The following SPRY3 variants were observed in gnomAD, a reference collection of about 807,000 sequenced individuals.
SPRY3 encodes protein sprouty homolog 3.
A neutral mutation model predicts 20.2 loss-of-function variants in SPRY3; 15 were observed. The observed-to-expected ratio is 0.74, with a 90% confidence interval of 0.50 to 1.14. The LOEUF is 1.14. Among genes scored for constraint, SPRY3 ranks in the 50% most tolerant of loss-of-function variants. The pLI, the probability that SPRY3 is intolerant of heterozygous loss-of-function variation, is 0.00. For missense variants in SPRY3, 364 were observed against 363.9 expected, an observed-to-expected ratio of 1.00 and a Z score of 0.00; for synonymous variants, 143 against 136.5, an observed-to-expected ratio of 1.05 and a Z score of -0.33.
At chrX:155,774,387 G>T (rs746786922) in exon 4 of SPRY3, 16 of 1,614,014 alleles carry the variant, frequency 9.9e-6, no homozygotes, top group Admixed American at 5.0e-5. Context: ...TGTGCAACCA[G>T]CGCTGCCTTT....
At chrX:155,747,542 T>C (rs1434883918) in intron 2 of SPRY3, among the ~76,000 whole-genome samples, 9 of 151,960 alleles carry the variant, frequency 5.9e-5, no homozygotes, top group African/African-American at 1.7e-4. Context: ...GCCCACTCTT[T>C]TAAGCTACCA....
intron 1 of SPRY3, among the ~76,000 whole-genome samples, chrX:155,634,941 G>A (rs782045609): frequency 9.2e-6 from 1 of 108,675 alleles, no homozygotes; most frequent in African/African-American, 3.4e-5. Flanking sequence ...AGAACATGCA[G>A]GTTTGTTACA....
chrX:155,782,211 A>C (rs62618227), exon 2 of SPRY3: 1 of 167,008 alleles, frequency 6.0e-6, no homozygotes, highest in Non-Finnish European at 1.5e-5. Flanking sequence ...GAATGGAGGA[A>C]AGGGGCTTTC....
chrX:155,685,041 G>C (rs1315085313), intron 2 of SPRY3, among the ~76,000 whole-genome samples: 1 of 111,503 alleles, frequency 9.0e-6, no homozygotes, highest in Non-Finnish European at 1.9e-5. Flanking sequence ...TTATCTTTCA[G>C]CAATTTGATT....
At chrX:155,687,177 C>T (rs896997831) in intron 2 of SPRY3, among the ~76,000 whole-genome samples, 2 of 112,692 alleles carry the variant, frequency 1.8e-5, no homozygotes, top group African/African-American at 6.4e-5. Flanking sequence ...TGTGCAAGAA[C>T]TGAAAGGTTT....
chrX:155,711,700 C>G (rs775913515), intron 2 of SPRY3, among the ~76,000 whole-genome samples: 1 of 141,544 alleles, frequency 7.1e-6, no homozygotes, highest in Non-Finnish European at 1.5e-5. Flanking sequence ...TTTTTTTTTG[C>G]TATTTATTTT....
chrX:155,750,677 A>G (rs2091257875), intron 2 of SPRY3, among the ~76,000 whole-genome samples: 1 of 151,836 alleles, frequency 6.6e-6, no homozygotes, highest in Non-Finnish European at 1.5e-5. Context: ...TTGTAAAACA[A>G]TGTCATCAGT....
At chrX:155,692,281 C>G (rs1365027976) in intron 2 of SPRY3, among the ~76,000 whole-genome samples, 2 of 110,760 alleles carry the variant, frequency 1.8e-5, no homozygotes, top group Non-Finnish European at 3.8e-5. Context: ...ATGTGAATAT[C>G]CAGTTGTTCT....
intron 2 of SPRY3, among the ~76,000 whole-genome samples, chrX:155,724,104 G>T (rs1417233999): frequency 1.3e-5 from 2 of 152,056 alleles, no homozygotes; most frequent in African/African-American, 4.8e-5. Flanking sequence ...TAGATGTGTG[G>T]TTTTATTTCT....
chrX:155,739,914 C>A (rs1372693784), intron 2 of SPRY3, among the ~76,000 whole-genome samples: 1 of 152,098 alleles, frequency 6.6e-6, no homozygotes, highest in Non-Finnish European at 1.5e-5. Flanking sequence ...CTCTTCTCCT[C>A]CAAGTGACTA....
chrX:155,773,459 C>T (rs2091396912), intron 3 of SPRY3, among the ~76,000 whole-genome samples: 1 of 151,630 alleles, frequency 6.6e-6, no homozygotes, highest in Non-Finnish European at 1.5e-5. Flanking sequence ...ATGCCCAAGG[C>T]TTGGATGTCT....
intron 1 of SPRY3, among the ~76,000 whole-genome samples, chrX:155,629,079 C>T (rs2067897639): frequency 9.1e-6 from 1 of 109,345 alleles, no homozygotes; most frequent in Admixed American, 9.7e-5. Context: ...AGGTTTGTTA[C>T]ATGTGCTATG....
chrX:155,689,459 T>C lies in SPRY3; in HGVS notation c.-282+32434T>C, dbSNP rs1250702312. Among the ~76,000 whole-genome samples the C allele has an allele frequency of 3.4e-5, 3 of 87,090 alleles. 1 individual carries two copies. Among genetic ancestry groups the C allele is most frequent in the Non-Finnish European group, 6.4e-5 (3 of 46,767 alleles). The allele number at this position is 87,090 out of a possible 115,157, so 75.6% of individuals were successfully genotyped here. ...ATTTTCTTTGTACATGTGATAGAAT[T>C]TGGCTATGAATCCAACTGGTCCTGG... On this transcript the variant is annotated intron_variant, in intron 2 of 3. Coordinates refer to ENST00000675360, the Ensembl canonical transcript of SPRY3.
At chrX:155,704,313 A>C (rs1482676082) in intron 2 of SPRY3, among the ~76,000 whole-genome samples, 2 of 151,854 alleles carry the variant, frequency 1.3e-5, no homozygotes, top group Non-Finnish European at 2.9e-5. Context: ...AGAGATCAAA[A>C]CTATAATAAA....
exon 4 of SPRY3, chrX:155,776,696 A>T (rs2091428532): frequency 1.8e-5 from 3 of 167,096 alleles, no homozygotes. Context: ...TAGAGTGTGC[A>T]TGGATGTGTG....
At chrX:155,704,240 A>G (rs1185871031) in intron 2 of SPRY3, among the ~76,000 whole-genome samples, 2 of 151,890 alleles carry the variant, frequency 1.3e-5, no homozygotes, top group Non-Finnish European at 2.9e-5. Flanking sequence ...ACTATGAGTA[A>G]TTAGTTAAAT....
intron 2 of SPRY3, among the ~76,000 whole-genome samples, chrX:155,750,961 T>C (rs746398367): frequency 2.4e-4 from 36 of 151,908 alleles, no homozygotes; most frequent in African/African-American, 8.2e-4. Flanking sequence ...AAGAAGTTAA[T>C]GGTATATGCT....
In SPRY3 at chrX:155,733,347, A is replaced by G. The variant is rs768209415; in HGVS notation, c.-281-34615A>G. On this transcript the variant is annotated intron_variant, in intron 2 of 3. Coordinates refer to ENST00000675360, the Ensembl canonical transcript of SPRY3. ...TATATACACATATATATGCTGATAT[A>G]TATATACATATATGTATAATGTATA... is the stretch of plus-strand genomic sequence containing the variant. 3.0e-4 allele frequency among the ~76,000 whole-genome samples: 43 copies of G among 144,646 alleles called. 1 individual carries two copies. The highest frequency in any genetic ancestry group is 1.1e-3 in the African/African-American group (39 of 36,422). 94.9% of individuals were successfully genotyped at this position (144,646 alleles called of 152,430 possible).
chrX:155,755,491 T>C (rs2091280556), intron 2 of SPRY3, among the ~76,000 whole-genome samples: 1 of 152,040 alleles, frequency 6.6e-6, no homozygotes, highest in Non-Finnish European at 1.5e-5. Context: ...ATTTGCTGTT[T>C]TGCCTAAAAC....
Sources: allele counts gnomAD v4.1 joint callset (sites outside exome capture counted in the v4.1 genomes callset), GRCh38; gene constraint gnomAD v4.1.1; transcripts MANE v1.5; gene names NCBI Gene and HGNC (gene_info 2026-07-23, HGNC 2026-07-21).